DENND2B: variants seen among roughly 807,000 people sequenced by gnomAD.
DENND2B encodes the protein DENN domain containing 2B.
DENND2B carries 32 observed loss-of-function variants against 116.0 expected under a neutral mutation model. The observed-to-expected ratio is 0.28, with a 90% CI of 0.21 to 0.37. DENND2B has a LOEUF of 0.37. DENND2B is among the 10% of genes least tolerant of loss of function. DENND2B has a pLI of 1.00. For synonymous variants in DENND2B, 588 were observed against 583.9 expected, an observed-to-expected ratio of 1.01 and a Z score of -0.10; for missense variants, 1,276 against 1,477.7, an observed-to-expected ratio of 0.86 and a Z score of 2.24.
At chr11:8,806,231 C>T (rs1184209620) in intron 1 of DENND2B, among the ~76,000 whole-genome samples, 1 of 152,142 alleles carries the variant, frequency 6.6e-6, no homozygotes, top group Non-Finnish European at 1.5e-5. Context: ...TCCAAATAAT[C>T]CTCCATCCAC....
chr11:8,902,026 G>A (rs74952414), intron 1 of DENND2B, among the ~76,000 whole-genome samples: 3,521 of 152,136 alleles, frequency 0.023, 48 homozygotes, highest in Middle Eastern at 0.034. Flanking sequence ...TGTTCTATCA[G>A]TTATTAAGAC....
intron 1 of DENND2B, among the ~76,000 whole-genome samples, chr11:8,806,740 G>A (rs1331554052): frequency 6.6e-6 from 1 of 151,656 alleles, no homozygotes; most frequent in African/African-American, 2.4e-5. Context: ...GATGCACCCA[G>A]TAGTTCCTCC....
chr11:8,901,512 G>A (rs936778983), intron 1 of DENND2B, among the ~76,000 whole-genome samples: 14 of 152,210 alleles, frequency 9.2e-5, no homozygotes, highest in East Asian at 5.8e-4. Context: ...TTACAAGCAT[G>A]AGCCAGCATG....
At chr11:8,892,123 A>G (rs2064041919) in intron 1 of DENND2B, among the ~76,000 whole-genome samples, 1 of 152,238 alleles carries the variant, frequency 6.6e-6, no homozygotes, top group Non-Finnish European at 1.5e-5. Context: ...AAACTGAACA[A>G]CCTGCTCCTG....
At chr11:8,718,096 A>AACCC in intron 4 of DENND2B, 1 of 65,008 alleles carries the variant, frequency 1.5e-5, no homozygotes, top group Non-Finnish European at 2.9e-5. Flanking sequence ...AAGCAGACCC[A>AACCC]CCCCCCCACC....
chr11:8,753,524 A>G (rs536156050), intron 1 of DENND2B, among the ~76,000 whole-genome samples: 6 of 152,332 alleles, frequency 3.9e-5, no homozygotes, highest in African/African-American at 1.4e-4. Flanking sequence ...ACCCATCAAA[A>G]TGCCAGCTAG....
At chr11:8,744,058 A>T (rs1404866744) in intron 2 of DENND2B, among the ~76,000 whole-genome samples, 1 of 151,690 alleles carries the variant, frequency 6.6e-6, no homozygotes, top group African/African-American at 2.4e-5. Context: ...CAAGGGGCTT[A>T]TCTTGAAGTG....
chr11:8,707,662 C>CT lies in DENND2B; in HGVS notation c.2430+114dup. On this transcript the variant is annotated intron_variant, in intron 12 of 19. Transcript: ENST00000313726. The surrounding 1 kb of genome is among the most constrained non-coding windows in gnomAD (Gnocchi z 4.8). ...GCTCACTGGTACTTGTTCCTGCATTCTGTCTCCCGCTCGCTCACAGTCACA... is the reference window on the plus strand; with the variant it reads ...GCTCACTGGTACTTGTTCCTGCATTCTTGTCTCCCGCTCGCTCACAGTCACA... 1 of 999,070 alleles carries CT rather than the reference C, an allele frequency of 1.0e-6. No homozygotes were observed. The highest frequency in any genetic ancestry group is 1.5e-6 in the Non-Finnish European group (1 of 674,426). 61.9% of individuals were successfully genotyped at this position (999,070 alleles called of 1,614,324 possible).
chr11:8,736,348 T>G (rs1413657501), intron 2 of DENND2B, among the ~76,000 whole-genome samples: 2 of 147,880 alleles, frequency 1.4e-5, no homozygotes, highest in Admixed American at 1.4e-4. Flanking sequence ...GAGACCAGAG[T>G]GAGACCTTGT....
In DENND2B at chr11:8,730,298, C is replaced by T; in HGVS notation, c.992G>A (p.Ser331Asn). 3 of 1,604,514 alleles carry T rather than the reference C, an allele frequency of 1.9e-6. No homozygotes were observed. Among genetic ancestry groups the T allele is most frequent in the Non-Finnish European group, 2.5e-6 (3 of 1,177,758 alleles). The stretch of plus-strand genomic sequence containing the variant: ...GACTGCCCGGCTGCCAGCGCTCACA[C>T]TCGCGCCCCCTGCCGGCTCCTCCAA... ...GSLEEPAGGA[S>N]VSAGSRAVGV... is the part of the protein sequence containing the mutation. Residue 331 changes from serine to asparagine, a missense_variant, in exon 3 of 20, where the codon AGT becomes AAT. By Grantham distance (46) the Ser-to-Asn change is conservative. Around this residue, in one of 2 missense-constraint regions of DENND2B, gnomAD observed 856 missense variants for 846.6 expected, o/e 1.01. Transcript: ENST00000313726. This position sits in a 1 kb window ranked among gnomAD's most constrained non-coding sequence, Gnocchi z 4.1.
Position 8,750,615 on chromosome 11 carries a change from A to AC in DENND2B, c.80+5dup. The AC allele has an allele frequency of 6.2e-7, 1 of 1,613,628 alleles. No individual in the cohort carries two copies. The highest frequency in any genetic ancestry group is 8.5e-7 in the Non-Finnish European group (1 of 1,179,670). ...TGCCACCTCCCACAAGTGCTCCCTT[A>AC]CCCACCTGCTCAGAGTCCCCCGAGG... On this transcript the variant is annotated splice_donor_region_variant and intron_variant, in intron 2 of 19. Coordinates refer to ENST00000313726, the MANE Select transcript of DENND2B (RefSeq NM_213618.2).
At chr11:8,870,580 G>A (rs1022231482) in intron 2 of DENND2B, among the ~76,000 whole-genome samples, 14 of 150,764 alleles carry the variant, frequency 9.3e-5, no homozygotes, top group Non-Finnish European at 2.1e-4. Context: ...AACAGCTCCA[G>A]GTAGGAGCTC....
Position 8,694,097 on chromosome 11 carries a change from T to G in DENND2B, c.3413A>C (p.Ter1138SerextTer55). Residue 1138 changes from the stop codon to serine (S), a stop_lost, in exon 20 of 20, where the codon TAA becomes TCA. Coordinates refer to ENST00000313726, the MANE Select transcript of DENND2B (RefSeq NM_213618.2). ...GGACTCTGCTACTGAGAAGGAGGCT[T>G]AATTCTTCTTGTGGAGAAACTTCAT... ...NKMKFLHKKN[*>S] The G allele has an allele frequency of 6.2e-7, 1 of 1,614,122 alleles. No homozygotes were observed. The highest frequency in any genetic ancestry group is 8.5e-7 in the Non-Finnish European group (1 of 1,180,014).
intron 4 of DENND2B, among the ~76,000 whole-genome samples, chr11:8,819,587 C>T (rs1402624575): frequency 6.6e-6 from 1 of 152,214 alleles, no homozygotes; most frequent in South Asian, 2.1e-4. Flanking sequence ...ACCCCGATAC[C>T]ATGTGCTGAG....
intron 11 of DENND2B, 83 bp downstream of exon 11, chr11:8,710,752 GGCACACACAC>G: frequency 4.1e-6 from 4 of 970,136 alleles, no homozygotes; most frequent in Non-Finnish European, 5.7e-6. Flanking sequence ...ATTGCAGAAG[GGCACACACAC>G]ACACACACAC....
At chr11:8,722,078 C>A (rs556767291) in intron 4 of DENND2B, among the ~76,000 whole-genome samples, 4 of 152,204 alleles carry the variant, frequency 2.6e-5, no homozygotes, top group Non-Finnish European at 5.9e-5. Flanking sequence ...ATGGGACAGG[C>A]GGGAAATAGC....
At chr11:8,718,932 G>C in intron 4 of DENND2B, 1 of 988,066 alleles carries the variant, frequency 1.0e-6, no homozygotes, top group South Asian at 4.7e-5. Flanking sequence ...AGAATCCGTG[G>C]GGTGAACAGG....
Position 8,750,686 on chromosome 11 carries a change from G to A in DENND2B, c.15C>T (p.Ala5=). ...CGTGGGTGATGCTGGAATTCTTGTTGGCAGTCATGGTCATTTCGGCTCTCT... is the reference window on the plus strand; with the variant it reads ...CGTGGGTGATGCTGGAATTCTTGTTAGCAGTCATGGTCATTTCGGCTCTCT... MTMT[A]NKNSSITHGA... The change falls in exon 2 of 20, where the codon GCC becomes GCT. Residue 5 remains alanine (A), a synonymous_variant. Coordinates refer to ENST00000313726, the MANE Select transcript of DENND2B (RefSeq NM_213618.2). 1 of 1,614,156 alleles carries A rather than the reference G, an allele frequency of 6.2e-7. No homozygotes were observed. Among genetic ancestry groups the A allele is most frequent in the Non-Finnish European group, 8.5e-7 (1 of 1,180,032 alleles).
At chr11:8,874,163 C>A (rs2063819840), upstream of DENND2B, among the ~76,000 whole-genome samples, 1 of 152,164 alleles carries the variant, frequency 6.6e-6, no homozygotes, top group Admixed American at 6.5e-5. Context: ...CCTCCACCCG[C>A]AAGCCATTTC....
Sources: gnomAD v4.1 joint callset for allele counts (sites outside exome capture counted in the v4.1 genomes callset) on GRCh38, gnomAD v4.1.1 for gene constraint, gnomAD v4.1.1 regional missense constraint, Gnocchi (gnomAD v3.1) non-coding constraint, MANE v1.5 for transcripts, NCBI Gene and HGNC (gene_info 2026-07-23, HGNC 2026-07-21) for gene names.